Variants in CDH17 observed in about 807,000 individuals in gnomAD.
CDH17 encodes cadherin-17.
A neutral mutation model predicts 86.3 loss-of-function variants in CDH17; 67 were observed. The observed-to-expected ratio is 0.78, with a 90% confidence interval of 0.64 to 0.95. The LOEUF (loss-of-function observed/expected upper bound fraction) is 0.95, where lower values mean the gene tolerates loss of function less well. Ranked by LOEUF, CDH17 falls within the 40% of genes least tolerant of loss-of-function variation. The pLI is 0.00. For missense variants in CDH17, 993 were observed against 1,017.6 expected (o/e 0.98, Z 0.33); for synonymous variants, 367 against 366.4 (o/e 1.00, Z -0.02).
At position 94,170,434 on chromosome 8, in the gene CDH17, T is replaced by G; in HGVS notation, c.1029A>C (p.Pro343=). 1 of 1,613,688 alleles carries G rather than the reference T, an allele frequency of 6.2e-7. No individual in the cohort carries two copies. The highest frequency in any genetic ancestry group is 8.5e-7 in the Non-Finnish European group (1 of 1,179,678). The change falls in exon 9 of 18, where the codon CCA becomes CCC. Residue 343 remains proline (P), a synonymous_variant. Transcript: ENST00000027335. ...INDNPPTCPS[P]VTVFEVQENE... ...TCTCCTGGACCTCAAATACGGTTAC[T>G]GGTGACGGACATGTAGGTGGATTAT...
intron 1 of CDH17, among the ~76,000 whole-genome samples, chr8:94,204,242 C>T (rs561348733): frequency 2.0e-5 from 3 of 152,060 alleles, no homozygotes; most frequent in South Asian, 2.1e-4. Flanking sequence ...CCCATCAACC[C>T]GTCATTTAGG....
At chr8:94,194,586 C>T in intron 2 of CDH17, 49 bp downstream of exon 2, 4 of 1,241,452 alleles carry the variant, frequency 3.2e-6, no homozygotes, top group South Asian at 1.3e-5. Flanking sequence ...AGAAAGATAG[C>T]AGAAAATATT....
At chr8:94,144,728 G>A (rs1409599620) in intron 15 of CDH17, among the ~76,000 whole-genome samples, 2 of 152,038 alleles carry the variant, frequency 1.3e-5, no homozygotes, top group African/African-American at 4.8e-5. Flanking sequence ...GAAAAGACAA[G>A]CCATGGCCTG....
chr8:94,165,250 A>G (rs1813129998), intron 10 of CDH17, among the ~76,000 whole-genome samples: 1 of 152,198 alleles, frequency 6.6e-6, no homozygotes, highest in African/African-American at 2.4e-5. Flanking sequence ...GTACACAGCC[A>G]GTGACTGAGA....
chr8:94,183,163 T>C (rs1234114539), intron 3 of CDH17, among the ~76,000 whole-genome samples: 1 of 152,154 alleles, frequency 6.6e-6, no homozygotes, highest in African/African-American at 2.4e-5. Flanking sequence ...TCTAATGCTA[T>C]TAAGATGGCA....
chr8:94,192,498 C>T (rs1312417282), intron 2 of CDH17, among the ~76,000 whole-genome samples: 2 of 152,140 alleles, frequency 1.3e-5, no homozygotes, highest in African/African-American at 4.8e-5. Context: ...AGAGAAGTCC[C>T]ACAGTAGAAG....
chr8:94,187,959 C>A (rs749190027), intron 3 of CDH17, among the ~76,000 whole-genome samples: 10 of 152,190 alleles, frequency 6.6e-5, no homozygotes, highest in Non-Finnish European at 1.2e-4. Flanking sequence ...CATGCCCCTG[C>A]CAGCTCTTAC....
At chr8:94,200,955 G>A (rs1207313979) in intron 1 of CDH17, among the ~76,000 whole-genome samples, 1 of 152,052 alleles carries the variant, frequency 6.6e-6, no homozygotes, top group Non-Finnish European at 1.5e-5. Flanking sequence ...AAAATCAAAC[G>A]ATGAAGACCA....
intron 1 of CDH17, among the ~76,000 whole-genome samples, chr8:94,204,500 T>C (rs1813986085): frequency 6.6e-6 from 1 of 152,238 alleles, no homozygotes; most frequent in African/African-American, 2.4e-5. Flanking sequence ...GGCTGCATAG[T>C]ATTCCATGGT....
chr8:94,210,881 T>A (rs1314159419), upstream of CDH17, among the ~76,000 whole-genome samples: 1 of 151,408 alleles, frequency 6.6e-6, no homozygotes, highest in Admixed American at 6.6e-5. Flanking sequence ...ATTAGCCAGG[T>A]GTGGTGGCAG....
chr8:94,143,666 A>C (rs2130587405), intron 15 of CDH17, among the ~76,000 whole-genome samples: 1 of 152,344 alleles, frequency 6.6e-6, no homozygotes, highest in Admixed American at 6.5e-5. Flanking sequence ...TTGCTTCTGC[A>C]TCAATTTGCT....
intron 1 of CDH17, among the ~76,000 whole-genome samples, chr8:94,215,728 G>A (rs1268668432): frequency 1.3e-5 from 2 of 152,110 alleles, no homozygotes; most frequent in Non-Finnish European, 2.9e-5. Context: ...TAATGAAATT[G>A]AACTGACATA....
At chr8:94,202,039 C>A in intron 1 of CDH17, 1 of 184,288 alleles carries the variant, frequency 5.4e-6, no homozygotes, top group South Asian at 1.2e-4. Flanking sequence ...TCTGATCAGC[C>A]TTGCACTGCT....
chr8:94,145,135 G>C (rs956618209), intron 15 of CDH17, among the ~76,000 whole-genome samples: 2 of 152,164 alleles, frequency 1.3e-5, no homozygotes, highest in African/African-American at 4.8e-5. Context: ...ATATGACCCA[G>C]CCATTCCACT....
intron 7 of CDH17, among the ~76,000 whole-genome samples, chr8:94,172,525 T>C (rs191043471): frequency 1.6e-4 from 24 of 152,312 alleles, no homozygotes; most frequent in Middle Eastern, 3.4e-3. Flanking sequence ...CTTTTACAGA[T>C]ACTGTCTCAG....
At chr8:94,130,775 T>G in intron 16 of CDH17, 36 bp from the exon 17 acceptor site, 19 of 1,564,270 alleles carry the variant, frequency 1.2e-5, no homozygotes, top group Non-Finnish European at 1.7e-5. Context: ...GGATAAATTC[T>G]CAAGTGAATA....
In CDH17 at chr8:94,152,104, A is replaced by C. The variant is rs1280214888; in HGVS notation, c.1560T>G (p.Asp520Glu). 8 of 1,613,898 alleles carry C rather than the reference A, an allele frequency of 5.0e-6. No individual in the cohort carries two copies. Among genetic ancestry groups the C allele is most frequent in the African/African-American group, 1.3e-5 (1 of 74,906 alleles). ...TGYVIIKKPLDFETAAVSNIV... is the reference protein window; with the variant it reads ...TGYVIIKKPLEFETAAVSNIV... ...TGTTGGAAACAGCTGCTGTTTCAAA[A>C]TCAAGAGGCTGTGTAGGAGAAAGAG... is the stretch of plus-strand genomic sequence containing the variant. The change falls in exon 13 of 18, where the codon GAT (aspartate) becomes GAG (glutamate). Residue 520 changes from aspartate to glutamate, a missense_variant. Asp to Glu is a conservative substitution (Grantham distance 45). Transcript: ENST00000027335.
rs554340409 is a variant in CDH17, at chr8:94,195,917, C to T, written c.-20-1212G>A. Among the ~76,000 whole-genome samples the T allele has an allele frequency of 9.2e-5, 14 of 152,286 alleles. No homozygotes were observed. In the East Asian group the frequency reaches 2.7e-3, roughly 29 times the overall value. ...CTGGGACTACAGGCGCCTGCCACCA[C>T]GCCTGGCTAATTTTTTGTATTTTTA... On this transcript the variant is annotated intron_variant, in intron 1 of 17. Transcript: ENST00000027335.
intron 15 of CDH17, among the ~76,000 whole-genome samples, chr8:94,140,098 A>G (rs910258001): frequency 6.6e-6 from 1 of 152,148 alleles, no homozygotes; most frequent in Non-Finnish European, 1.5e-5. Context: ...ACATAATCAC[A>G]AAAGAAATCT....
Sources: gnomAD v4.1 joint callset for allele counts (sites outside exome capture counted in the v4.1 genomes callset) on GRCh38, gnomAD v4.1.1 for gene constraint, MANE v1.5 for transcripts, NCBI Gene and HGNC (gene_info 2026-07-23, HGNC 2026-07-21) for gene names.